The following NAV3 variants were observed in gnomAD, a reference collection of about 807,000 sequenced individuals.
NAV3 encodes neuron navigator 3.
Under a neutral mutation model 244.7 loss-of-function variants are expected in NAV3, and 87 were observed. The ratio of observed to expected loss-of-function variants is 0.36; its 90% CI spans 0.30 to 0.42. NAV3 has a LOEUF of 0.42. Among genes scored for constraint, NAV3 ranks in the 20% least tolerant of loss-of-function variants. The pLI, the probability that NAV3 is intolerant of heterozygous loss-of-function variation, is 1.00. For synonymous variants in NAV3, 1,126 were observed against 1,042.2 expected (o/e 1.08, Z -1.55); for missense variants, 2,663 against 2,893.3 (o/e 0.92, Z 1.83).
rs190511257 is a variant in NAV3 at position 77,950,304 on chromosome 12, C to A, written c.414+9171C>A. 3.9e-5 allele frequency among the ~76,000 whole-genome samples: 6 copies of A among 152,252 alleles called. No individual in the cohort carries two copies. In the East Asian group the frequency reaches 1.2e-3, roughly 29 times the overall value. On this transcript the variant is annotated intron_variant, in intron 3 of 39. Transcript: ENST00000397909. ...GTGAGAGTTCCTGCTGCTTCACATCCTCACTAGCATTTGGTGTTGTCAATG... is the reference window on the plus strand; with the variant it reads ...GTGAGAGTTCCTGCTGCTTCACATCATCACTAGCATTTGGTGTTGTCAATG...
intron 2 of NAV3, among the ~76,000 whole-genome samples, chr12:77,575,021 T>A (rs1311723409): frequency 1.3e-5 from 2 of 148,964 alleles, no homozygotes; most frequent in African/African-American, 4.9e-5. Flanking sequence ...TAATTATCTA[T>A]TCCTTAAATA....
At chr12:78,208,461 G>A (rs1191903248) in intron 39 of NAV3, among the ~76,000 whole-genome samples, 2 of 152,146 alleles carry the variant, frequency 1.3e-5, no homozygotes, top group Non-Finnish European at 2.9e-5. Context: ...TGGGGAAGAA[G>A]AGAGGAAAAA....
chr12:77,698,153 C>T (rs902984604), intron 2 of NAV3, among the ~76,000 whole-genome samples: 3 of 152,082 alleles, frequency 2.0e-5, no homozygotes, highest in African/African-American at 4.8e-5. Context: ...AAACAACTGG[C>T]AGCTGGTTTC....
chr12:77,672,241 A>C (rs961765733), intron 2 of NAV3, among the ~76,000 whole-genome samples: 2 of 152,128 alleles, frequency 1.3e-5, no homozygotes, highest in Admixed American at 1.3e-4. Context: ...AATAATAAAA[A>C]AATAGATGTT....
intron 2 of NAV3, among the ~76,000 whole-genome samples, chr12:77,763,894 T>C (rs747800306): frequency 2.6e-5 from 4 of 152,134 alleles, no homozygotes; most frequent in Non-Finnish European, 5.9e-5. Flanking sequence ...TACTACAGAT[T>C]TTGGCTGGTC....
intron 1 of NAV3, among the ~76,000 whole-genome samples, chr12:77,851,994 A>T (rs1196112078): frequency 6.6e-6 from 1 of 152,208 alleles, no homozygotes; most frequent in East Asian, 1.9e-4. Context: ...GAGAAAGACG[A>T]CCTAGCTACT....
intron 12 of NAV3, among the ~76,000 whole-genome samples, chr12:78,115,618 G>A (rs1032095950): frequency 6.6e-6 from 1 of 152,070 alleles, no homozygotes; most frequent in Non-Finnish European, 1.5e-5. Context: ...TCAGTCATTT[G>A]GTCATTGAAG....
intron 2 of NAV3, among the ~76,000 whole-genome samples, chr12:77,603,969 G>A (rs1400109935): frequency 6.6e-6 from 1 of 152,094 alleles, no homozygotes; most frequent in Non-Finnish European, 1.5e-5. Context: ...ATTTAGAGGT[G>A]GAGTTTGCAG....
intron 2 of NAV3, among the ~76,000 whole-genome samples, chr12:77,661,983 T>C (rs1411762708): frequency 1.3e-5 from 2 of 151,860 alleles, no homozygotes; most frequent in Non-Finnish European, 2.9e-5. Flanking sequence ...AATTTTAAAA[T>C]CCTCCACCTT....
chr12:77,924,955 A>T (rs1201048561), intron 1 of NAV3, among the ~76,000 whole-genome samples: 1 of 151,986 alleles, frequency 6.6e-6, no homozygotes. Context: ...TGATCCTAGC[A>T]TGAAAGACAA....
intron 22 of NAV3, among the ~76,000 whole-genome samples, chr12:78,158,052 G>C (rs1199831974): frequency 6.6e-6 from 1 of 152,060 alleles, no homozygotes; most frequent in African/African-American, 2.4e-5. Flanking sequence ...CCGTTATTAA[G>C]TAATAAGCTT....
At chr12:78,048,457 T>A (rs1882208326) in intron 9 of NAV3, among the ~76,000 whole-genome samples, 1 of 152,204 alleles carries the variant, frequency 6.6e-6, no homozygotes, top group Non-Finnish European at 1.5e-5. Context: ...TTAGTTTTCC[T>A]TTTAACAGTC....
chr12:78,096,725 C>T (rs1593564855), intron 12 of NAV3, among the ~76,000 whole-genome samples: 1 of 152,142 alleles, frequency 6.6e-6, no homozygotes, highest in East Asian at 1.9e-4. Flanking sequence ...CCTCCCACAA[C>T]ACATGGGGAT....
chr12:77,801,258 T>G (rs1470906536), intron 2 of NAV3, among the ~76,000 whole-genome samples: 1 of 152,158 alleles, frequency 6.6e-6, no homozygotes, highest in Non-Finnish European at 1.5e-5. Context: ...TTTTTCTATT[T>G]ACATTATTCC....
chr12:78,189,591 T>TAA (rs1958883484), intron 33 of NAV3, among the ~76,000 whole-genome samples: 1 of 151,204 alleles, frequency 6.6e-6, no homozygotes, highest in East Asian at 2.0e-4. Context: ...TGTGTGTATA[T>TAA]AATCTTCACA....
At chr12:77,588,431 C>T (rs1294272727) in intron 2 of NAV3, among the ~76,000 whole-genome samples, 10 of 152,054 alleles carry the variant, frequency 6.6e-5, no homozygotes, top group Admixed American at 5.9e-4. Flanking sequence ...TAAGTATTTA[C>T]TGTTATATTT....
chr12:77,733,834 A>ATTTTTTTT (rs56770236), intron 2 of NAV3, among the ~76,000 whole-genome samples: 1 of 124,216 alleles, frequency 8.1e-6, no homozygotes, highest in Admixed American at 8.1e-5. Flanking sequence ...CTTGGTTTAG[A>ATTTTTTTT]TTTTTTTTTT....
intron 15 of NAV3, among the ~76,000 whole-genome samples, chr12:78,120,872 A>C (rs979963369): frequency 2.0e-5 from 3 of 152,198 alleles, no homozygotes; most frequent in African/African-American, 7.2e-5. Context: ...AAAGATTTTG[A>C]AACATTTATT....
At chr12:78,186,057 A>G (rs1172038405) in intron 31 of NAV3, among the ~76,000 whole-genome samples, 2 of 151,878 alleles carry the variant, frequency 1.3e-5, no homozygotes, top group African/African-American at 4.8e-5. Flanking sequence ...AGCTGTCAAT[A>G]TGGTCTTTAT....
Sources: gnomAD v4.1 joint callset for allele counts (sites outside exome capture counted in the v4.1 genomes callset) on GRCh38, gnomAD v4.1.1 for gene constraint, MANE v1.5 for transcripts, NCBI Gene and HGNC (gene_info 2026-07-23, HGNC 2026-07-21) for gene names.